KDM1A: variants seen among roughly 807,000 people sequenced by gnomAD.
KDM1A encodes the protein lysine demethylase 1A, also known as lysine-specific histone demethylase 1A.
A neutral mutation model predicts 109.4 loss-of-function variants in KDM1A; 49 were observed. That is an observed-to-expected ratio of 0.45 (90% CI 0.36 to 0.57). KDM1A has a LOEUF of 0.57. Among genes scored for constraint, KDM1A ranks in the 20% least tolerant of loss-of-function variants. KDM1A has a pLI of 0.00. For synonymous variants in KDM1A, 380 were observed against 415.4 expected, an observed-to-expected ratio of 0.91 and a Z score of 1.04; for missense variants, 668 against 1,116.6, an observed-to-expected ratio of 0.60 and a Z score of 5.73.
chr1:23,040,599 A>G (rs142993981), intron 2 of KDM1A, among the ~76,000 whole-genome samples: 2 of 152,004 alleles, frequency 1.3e-5, no homozygotes, highest in East Asian at 3.9e-4. Context: ...CAGCCTGGGC[A>G]ACATATCGAG....
In KDM1A at chr1:23,083,557, A is replaced by G; in HGVS notation, c.*193A>G. 2.1e-6 allele frequency: 1 copy of G among 473,340 alleles called. No individual in the cohort carries two copies. The highest frequency in any genetic ancestry group is 3.7e-6 in the Non-Finnish European group (1 of 267,918). The allele number at this position is 473,340 out of a possible 1,614,324, so 29.3% of individuals were successfully genotyped here. On this transcript the variant is annotated 3_prime_UTR_variant, in exon 21 of 21. Coordinates refer to ENST00000400181, the MANE Select transcript of KDM1A (RefSeq NM_001009999.3). ...CTAGAGCACAGGGAGGAACTTGTCC[A>G]TTAGTTTGGAATTGTGTTCTTCGTA...
At chr1:23,028,301 A>C (rs1241591319) in intron 1 of KDM1A, among the ~76,000 whole-genome samples, 5 of 152,174 alleles carry the variant, frequency 3.3e-5, no homozygotes, top group African/African-American at 1.2e-4. Flanking sequence ...AAGTGCTGGG[A>C]TTACAGGCAT....
chr1:23,050,918 C>T (rs1212531406), intron 4 of KDM1A, among the ~76,000 whole-genome samples: 2 of 152,066 alleles, frequency 1.3e-5, no homozygotes, highest in Admixed American at 1.3e-4. Context: ...AACCCTTTCT[C>T]TACTAAAAAT....
intron 1 of KDM1A, among the ~76,000 whole-genome samples, chr1:23,027,554 C>T (rs1641846633): frequency 7.2e-6 from 1 of 138,618 alleles, no homozygotes; most frequent in African/African-American, 2.6e-5. Flanking sequence ...TCCTTAGTAG[C>T]TGGAACTGCA....
At chr1:23,036,876 C>T (rs925822561) in intron 2 of KDM1A, among the ~76,000 whole-genome samples, 2 of 152,126 alleles carry the variant, frequency 1.3e-5, no homozygotes, top group Admixed American at 1.3e-4. Flanking sequence ...AGTAGTTCCT[C>T]ATTGACTTTA....
At chr1:23,071,445 C>CT (rs1209991348) in intron 13 of KDM1A, 86 bp downstream of exon 13, 1 of 1,326,052 alleles carries the variant, frequency 7.5e-7, no homozygotes, top group African/African-American at 1.5e-5. Context: ...AAGAGAGCCA[C>CT]TAGCCAATCA....
At chr1:23,070,782 TG>T (rs1271811938) in intron 12 of KDM1A, among the ~76,000 whole-genome samples, 1 of 151,450 alleles carries the variant, frequency 6.6e-6, no homozygotes, top group Non-Finnish European at 1.5e-5. Context: ...CACTCCAGCC[TG>T]GGCGACAGAG....
intron 2 of KDM1A, among the ~76,000 whole-genome samples, chr1:23,042,492 G>A (rs1264221181): frequency 4.9e-5 from 5 of 102,916 alleles, no homozygotes; most frequent in Admixed American, 4.7e-4. Flanking sequence ...TCGCTCTGTC[G>A]CCCAGGCTGG....
intron 15 of KDM1A, among the ~76,000 whole-genome samples, chr1:23,076,943 T>C (rs1189229388): frequency 1.4e-5 from 2 of 145,016 alleles, no homozygotes; most frequent in Admixed American, 1.4e-4. Context: ...CCAGCCTGGA[T>C]GACAAAGCAA....
intron 13 of KDM1A, 123 bp from the exon 14 acceptor site, chr1:23,072,001 G>A (rs999064764): frequency 2.0e-5 from 13 of 634,436 alleles, no homozygotes; most frequent in Non-Finnish European, 3.6e-5. Context: ...CTAAAATTGA[G>A]CCACACTTCC....
In KDM1A at chr1:23,024,696, C is replaced by T. The variant is rs182547728; in HGVS notation, c.351+4749C>T. On this transcript the variant is annotated intron_variant, in intron 1 of 20. Transcript: ENST00000400181. ...CACCATACTCCTTTAGGAATGGTGG[C>T]CTTGAGCTAGGCCATGAAATGGCAG... 3.9e-3 allele frequency among the ~76,000 whole-genome samples: 596 copies of T among 152,286 alleles called. 1 individual carries two copies. The highest frequency in any genetic ancestry group is 6.8e-3 in the Non-Finnish European group (463 of 68,022).
chr1:23,020,091 C>A, intron 1 of KDM1A, 144 bp downstream of exon 1: 1 of 880,578 alleles, frequency 1.1e-6, no homozygotes, highest in Non-Finnish European at 1.6e-6. Context: ...CACGTCCCCT[C>A]TAGCTGGACG....
intron 1 of KDM1A, among the ~76,000 whole-genome samples, chr1:23,025,833 C>T (rs1222313173): frequency 2.0e-5 from 3 of 151,958 alleles, no homozygotes; most frequent in East Asian, 1.9e-4. Context: ...GGTTCATGCC[C>T]GTAATCCCAG....
chr1:23,022,179 T>C (rs1272265117), intron 1 of KDM1A, among the ~76,000 whole-genome samples: 2 of 152,164 alleles, frequency 1.3e-5, no homozygotes, highest in African/African-American at 4.8e-5. Context: ...TCTCTTTGGG[T>C]GTGGGCCTAG....
intron 1 of KDM1A, chr1:23,020,604 A>C (rs1156845209): frequency 6.6e-6 from 1 of 152,120 alleles, no homozygotes; most frequent in Non-Finnish European, 1.5e-5. Flanking sequence ...TGGGAAGAAA[A>C]GATTTGACTC....
At chr1:23,075,934 C>G (rs1043869627) in intron 15 of KDM1A, among the ~76,000 whole-genome samples, 1 of 151,880 alleles carries the variant, frequency 6.6e-6, no homozygotes, top group Non-Finnish European at 1.5e-5. Flanking sequence ...GCAACAAGAG[C>G]AAAACTCCAT....
chr1:23,039,909 G>C (rs1011835787), intron 2 of KDM1A, among the ~76,000 whole-genome samples: 2 of 152,158 alleles, frequency 1.3e-5, no homozygotes, highest in African/African-American at 4.8e-5. Flanking sequence ...TTTGTGCTTT[G>C]CAGTTTTGGG....
chr1:23,053,320 G>A (rs1248987137), intron 4 of KDM1A, among the ~76,000 whole-genome samples: 2 of 152,098 alleles, frequency 1.3e-5, no homozygotes, highest in African/African-American at 2.4e-5. Context: ...GGAGTATAAC[G>A]TCACTGTTTT....
chr1:23,020,068 TCG>T, intron 1 of KDM1A, 121 bp downstream of exon 1: 2 of 1,083,948 alleles, frequency 1.8e-6, no homozygotes, highest in Non-Finnish European at 2.4e-6. Context: ...TCCCCTTGTA[TCG>T]CTGCGCACGC....
Sources: gnomAD v4.1 joint callset for allele counts (sites outside exome capture counted in the v4.1 genomes callset) on GRCh38, gnomAD v4.1.1 for gene constraint, MANE v1.5 for transcripts, NCBI Gene and HGNC (gene_info 2026-07-23, HGNC 2026-07-21) for gene names.